Variants in OSBPL10 observed in about 807,000 individuals in gnomAD.
The protein encoded by OSBPL10 is oxysterol-binding protein-related protein 10.
Under a neutral mutation model 81.7 loss-of-function variants are expected in OSBPL10, and 49 were observed. That is an observed-to-expected ratio of 0.60 (90% CI 0.48 to 0.76). The LOEUF is 0.76. OSBPL10 is among the 30% of genes least tolerant of loss of function. The pLI, the probability that OSBPL10 is intolerant of heterozygous loss-of-function variation, is 0.00. For missense variants in OSBPL10, 923 were observed against 987.8 expected (o/e 0.93, Z 0.88); for synonymous variants, 419 against 383.6 (o/e 1.09, Z -1.08).
intron 4 of OSBPL10, among the ~76,000 whole-genome samples, chr3:31,778,301 C>G (rs1698600461): frequency 6.6e-6 from 1 of 152,302 alleles, no homozygotes; most frequent in East Asian, 1.9e-4. Flanking sequence ...GAACATAACC[C>G]TATTGGCCTG....
intron 2 of OSBPL10, among the ~76,000 whole-genome samples, chr3:32,023,439 T>TCTTTC (rs896754703): frequency 4.6e-5 from 7 of 152,198 alleles, no homozygotes. Context: ...CCATTAAACC[T>TCTTTC]CTTTCCTTTA....
At chr3:31,998,277 G>A (rs1699110791) in intron 2 of OSBPL10, among the ~76,000 whole-genome samples, 1 of 152,112 alleles carries the variant, frequency 6.6e-6, no homozygotes, top group Non-Finnish European at 1.5e-5. Context: ...GGGAAGAAAT[G>A]AGGAATGGCT....
intron 4 of OSBPL10, among the ~76,000 whole-genome samples, chr3:31,820,096 G>A (rs1050410460): frequency 2.6e-5 from 4 of 152,050 alleles, no homozygotes; most frequent in Admixed American, 2.0e-4. Context: ...ACCTCTTTAT[G>A]CCTCAGTTTC....
At chr3:31,926,926 A>G (rs908741178) in intron 1 of OSBPL10, among the ~76,000 whole-genome samples, 40 of 152,232 alleles carry the variant, frequency 2.6e-4, no homozygotes, top group African/African-American at 9.1e-4. Context: ...CCTGACCAAC[A>G]TGGCGAAACC....
intron 4 of OSBPL10, among the ~76,000 whole-genome samples, chr3:31,815,303 C>G (rs1235211005): frequency 6.6e-6 from 1 of 152,188 alleles, no homozygotes; most frequent in African/African-American, 2.4e-5. Context: ...CACACCCAGA[C>G]CAAACTGCTG....
chr3:31,786,589 C>T (rs913317001), intron 4 of OSBPL10, among the ~76,000 whole-genome samples: 19 of 152,244 alleles, frequency 1.2e-4, no homozygotes, highest in African/African-American at 4.6e-4. Context: ...TTTTACAAGG[C>T]ATTGCTGATG....
At chr3:31,832,714 G>C (rs986890377) in intron 3 of OSBPL10, among the ~76,000 whole-genome samples, 2 of 152,198 alleles carry the variant, frequency 1.3e-5, no homozygotes, top group Non-Finnish European at 2.9e-5. Flanking sequence ...TGTCAAAGAA[G>C]TGAGCTCATC....
At chr3:31,949,542 C>G (rs1697803223) in intron 1 of OSBPL10, among the ~76,000 whole-genome samples, 2 of 151,550 alleles carry the variant, frequency 1.3e-5, no homozygotes, top group African/African-American at 4.8e-5. Flanking sequence ...GTGGCAGGCA[C>G]CTGTAGTCCC....
At chr3:31,698,404 T>C (rs980461187) in intron 7 of OSBPL10, among the ~76,000 whole-genome samples, 2 of 152,058 alleles carry the variant, frequency 1.3e-5, no homozygotes, top group Non-Finnish European at 2.9e-5. Flanking sequence ...TAAGCCAAGA[T>C]GGCACCATTG....
intron 1 of OSBPL10, among the ~76,000 whole-genome samples, chr3:32,049,497 TC>T (rs1196690910): frequency 1.2e-4 from 19 of 152,074 alleles, no homozygotes; most frequent in African/African-American, 4.3e-4. Flanking sequence ...GGTTAAAGGC[TC>T]CTCTTAATAA....
chr3:31,670,068 C>T (rs1700285764), intron 9 of OSBPL10, among the ~76,000 whole-genome samples: 1 of 152,206 alleles, frequency 6.6e-6, no homozygotes, highest in South Asian at 2.1e-4. Context: ...CATGATAGCA[C>T]TGAACGTGAA....
intron 7 of OSBPL10, among the ~76,000 whole-genome samples, chr3:31,693,134 G>A (rs1344838442): frequency 1.3e-5 from 2 of 152,164 alleles, no homozygotes; most frequent in African/African-American, 4.8e-5. Context: ...GAGGGATCTG[G>A]CAAGAGAAGT....
At chr3:31,717,850 A>G (rs1218855863) in intron 6 of OSBPL10, among the ~76,000 whole-genome samples, 1 of 152,206 alleles carries the variant, frequency 6.6e-6, no homozygotes, top group Non-Finnish European at 1.5e-5. Context: ...AAACTGTCAC[A>G]TTATCATGCT....
chr3:32,001,820 G>A (rs1013066170), intron 2 of OSBPL10, among the ~76,000 whole-genome samples: 5 of 151,768 alleles, frequency 3.3e-5, no homozygotes, highest in South Asian at 2.1e-4. Flanking sequence ...GGGTCCCCAG[G>A]ACAATGGCCC....
chr3:31,815,281 A>T (rs1450079512), intron 4 of OSBPL10, among the ~76,000 whole-genome samples: 1 of 152,112 alleles, frequency 6.6e-6, no homozygotes, highest in Non-Finnish European at 1.5e-5. Flanking sequence ...GAGCAGAGAC[A>T]AGTGGTCCTG....
intron 1 of OSBPL10, among the ~76,000 whole-genome samples, chr3:31,924,236 AAG>A (rs1697004167): frequency 6.6e-6 from 1 of 151,794 alleles, no homozygotes; most frequent in South Asian, 2.1e-4. Flanking sequence ...AAAAGAAAGA[AAG>A]AAAAGAAAAA....
intron 4 of OSBPL10, among the ~76,000 whole-genome samples, chr3:31,791,267 T>C (rs1054643164): frequency 1.3e-5 from 2 of 152,148 alleles, no homozygotes; most frequent in African/African-American, 2.4e-5. Flanking sequence ...AATGGGAGTA[T>C]ATGCACAGTG....
intron 1 of OSBPL10, among the ~76,000 whole-genome samples, chr3:31,898,309 G>A (rs779041551): frequency 1.3e-5 from 2 of 152,164 alleles, no homozygotes; most frequent in Admixed American, 6.5e-5. Context: ...TAAGTGAGGT[G>A]AGAGATATGT....
chr3:31,835,601 T>C (rs917940412), intron 3 of OSBPL10, among the ~76,000 whole-genome samples: 1 of 152,150 alleles, frequency 6.6e-6, no homozygotes, highest in Non-Finnish European at 1.5e-5. Flanking sequence ...CTCACTTCCT[T>C]GAATTCCTTC....
Sources: gnomAD v4.1 joint callset for allele counts (sites outside exome capture counted in the v4.1 genomes callset) on GRCh38, gnomAD v4.1.1 for gene constraint, MANE v1.5 for transcripts, NCBI Gene and HGNC (gene_info 2026-07-23, HGNC 2026-07-21) for gene names.